RGS22: variants seen among roughly 807,000 people sequenced by gnomAD.
RGS22 encodes regulator of G-protein signaling 22.
Under a neutral mutation model 172.9 loss-of-function variants are expected in RGS22, and 148 were observed. That is an observed-to-expected ratio of 0.86 (90% confidence interval 0.75 to 0.98). The LOEUF (loss-of-function observed/expected upper bound fraction) is 0.98, where lower values mean the gene tolerates loss of function less well. Ranked by LOEUF, RGS22 falls within the 50% of genes least tolerant of loss-of-function variation. RGS22 has a pLI of 0.00. For missense variants in RGS22, 1,347 were observed against 1,440.8 expected (o/e 0.93, Z 1.05); for synonymous variants, 458 against 480.2 (o/e 0.95, Z 0.60).
chr8:99,970,418 C>T (rs1230532307), intron 23 of RGS22, among the ~76,000 whole-genome samples: 1 of 151,920 alleles, frequency 6.6e-6, no homozygotes, highest in Non-Finnish European at 1.5e-5. Context: ...CATGAAAAAC[C>T]CTTCAAAAAA....
intron 14 of RGS22, among the ~76,000 whole-genome samples, chr8:100,033,971 A>T (rs1819149294): frequency 6.6e-6 from 1 of 152,226 alleles, no homozygotes; most frequent in Admixed American, 6.5e-5. Context: ...ATCTCAAAAC[A>T]ATAAGAGCTA....
chr8:100,073,845 A>C (rs1229387109), intron 4 of RGS22, among the ~76,000 whole-genome samples: 1 of 152,240 alleles, frequency 6.6e-6, no homozygotes, highest in Non-Finnish European at 1.5e-5. Flanking sequence ...ATGTGACCTA[A>C]AAATAAAATG....
intron 20 of RGS22, among the ~76,000 whole-genome samples, chr8:99,990,767 C>T (rs148825002): frequency 0.013 from 1,991 of 152,280 alleles, 55 homozygotes; most frequent in East Asian, 0.1. Flanking sequence ...TCTCCCAGCA[C>T]GGCATTTGAG....
Position 100,105,542 on chromosome 8 carries a change from A to C in RGS22, c.26-140T>G, listed in dbSNP as rs139724353. The C allele has an allele frequency of 6.4e-4, 463 of 721,340 alleles. 2 individuals are homozygous for C. In the African/African-American group the frequency reaches 7.0e-3, roughly 11 times the overall value. 44.7% of individuals were successfully genotyped at this position (721,340 alleles called of 1,614,324 possible). On this transcript the variant is annotated intron_variant, in intron 1 of 27. Coordinates refer to ENST00000360863, the MANE Select transcript of RGS22 (RefSeq NM_015668.5). ...TTCTGGCCCTCTGTTCATTCTCTGT[A>C]CATGGCTTGCATTTTAAGTTGGAAT...
At chr8:99,995,573 G>A (rs941917860) in intron 20 of RGS22, among the ~76,000 whole-genome samples, 8 of 152,096 alleles carry the variant, frequency 5.3e-5, no homozygotes, top group Non-Finnish European at 7.4e-5. Flanking sequence ...ACCATCTCAC[G>A]CCAGCTGGAA....
intron 23 of RGS22, among the ~76,000 whole-genome samples, chr8:99,970,137 G>T (rs1811179176): frequency 6.6e-6 from 1 of 152,122 alleles, no homozygotes; most frequent in Non-Finnish European, 1.5e-5. Flanking sequence ...TGACTATTGG[G>T]TAAATAAGAA....
intron 21 of RGS22, among the ~76,000 whole-genome samples, chr8:99,983,134 A>G (rs1300969397): frequency 6.6e-6 from 1 of 152,090 alleles, no homozygotes; most frequent in Non-Finnish European, 1.5e-5. Flanking sequence ...AAAGGACATG[A>G]TTTCATTTTT....
chr8:99,983,668 A>C (rs1812786763), intron 21 of RGS22, among the ~76,000 whole-genome samples: 1 of 152,166 alleles, frequency 6.6e-6, no homozygotes, highest in African/African-American at 2.4e-5. Flanking sequence ...GTGTAGGACT[A>C]TCATTTTTTA....
intron 14 of RGS22, among the ~76,000 whole-genome samples, chr8:100,025,992 G>A (rs1419399400): frequency 6.6e-6 from 1 of 151,630 alleles, no homozygotes; most frequent in African/African-American, 2.4e-5. Context: ...TGTTCACCAA[G>A]GTGTTCCCAG....
intron 23 of RGS22, among the ~76,000 whole-genome samples, chr8:99,965,729 C>T (rs2131087659): frequency 6.6e-6 from 1 of 152,182 alleles, no homozygotes; most frequent in South Asian, 2.1e-4. Context: ...TCATGAACAT[C>T]CATCCATATT....
At chr8:100,065,394 A>G (rs1240494878) in intron 7 of RGS22, among the ~76,000 whole-genome samples, 1 of 152,188 alleles carries the variant, frequency 6.6e-6, no homozygotes, top group East Asian at 1.9e-4. Context: ...GAAGCCTATG[A>G]ATCCAGGTAT....
At chr8:100,025,784 C>A (rs759194739) in intron 14 of RGS22, among the ~76,000 whole-genome samples, 25 of 152,016 alleles carry the variant, frequency 1.6e-4, no homozygotes, top group Admixed American at 1.5e-3. Context: ...TGTGATTACA[C>A]CCAAGGTCCT....
At chr8:100,025,521 G>C (rs1489415827) in intron 14 of RGS22, among the ~76,000 whole-genome samples, 1 of 152,174 alleles carries the variant, frequency 6.6e-6, no homozygotes, top group East Asian at 1.9e-4. Flanking sequence ...CTGCTGAATA[G>C]AGAAATAATG....
chr8:100,001,236 A>ATATATATATATAC (rs1554611213), intron 18 of RGS22, among the ~76,000 whole-genome samples: 6 of 128,676 alleles, frequency 4.7e-5, no homozygotes, highest in East Asian at 2.2e-4. Flanking sequence ...ATATATATAC[A>ATATATATATATAC]TTTTTTTTTT....
At chr8:99,998,324 C>G (rs1169405371) in intron 19 of RGS22, among the ~76,000 whole-genome samples, 3 of 152,190 alleles carry the variant, frequency 2.0e-5, no homozygotes, top group Non-Finnish European at 4.4e-5. Context: ...TAAGTAATTA[C>G]TATGACCAAC....
chr8:99,968,421 A>T (rs1225638042), intron 23 of RGS22, among the ~76,000 whole-genome samples: 1 of 152,116 alleles, frequency 6.6e-6, no homozygotes, highest in Non-Finnish European at 1.5e-5. Flanking sequence ...AAGGTGGGTA[A>T]TAACAAACTC....
intron 2 of RGS22, among the ~76,000 whole-genome samples, chr8:100,100,391 G>T (rs1813377229): frequency 6.6e-6 from 1 of 151,370 alleles, no homozygotes; most frequent in South Asian, 2.1e-4. Flanking sequence ...CTGGGTTCAA[G>T]CAATTCTCCT....
In RGS22 at chr8:100,062,625, G is replaced by A. The variant is rs1326962369; in HGVS notation, c.1480C>T (p.Gln494Ter). 1 of 1,603,926 alleles carries A rather than the reference G, an allele frequency of 6.2e-7. No individual in the cohort carries two copies. The highest frequency in any genetic ancestry group is 1.7e-5 in the Admixed American group (1 of 59,056). The change falls in exon 9 of 28, where the codon CAG becomes TAG. Residue 494 changes from glutamine to a stop codon, truncating the protein, a stop_gained. Transcript: ENST00000360863. LOFTEE classifies it high-confidence loss of function. The part of the protein sequence containing the change: ...QWNEEHLRNI[Q>*]SEVLKPLLLY... ...AGTAAAGGTTTTAAAACTTCAGACTGAATATTTCTTAAATGCTCTTCATTC... is the reference window on the plus strand; with the variant it reads ...AGTAAAGGTTTTAAAACTTCAGACTAAATATTTCTTAAATGCTCTTCATTC...
chr8:100,030,769 C>T (rs1195994244), intron 14 of RGS22, among the ~76,000 whole-genome samples: 2 of 152,006 alleles, frequency 1.3e-5, no homozygotes, highest in Non-Finnish European at 2.9e-5. Flanking sequence ...CACTAGCAGG[C>T]TCTAATGGAA....
Sources: allele counts gnomAD v4.1 joint callset (sites outside exome capture counted in the v4.1 genomes callset), GRCh38; gene constraint gnomAD v4.1.1; transcripts MANE v1.5; gene names NCBI Gene and HGNC (gene_info 2026-07-23, HGNC 2026-07-21).